Variants in CTNND2 observed in about 807,000 individuals in gnomAD.
CTNND2 encodes catenin delta 2.
A neutral mutation model predicts 144.4 loss-of-function variants in CTNND2; 22 were observed. That is an observed-to-expected ratio of 0.15 (90% confidence interval 0.11 to 0.22). The LOEUF is 0.22. CTNND2 is among the 10% of genes least tolerant of loss of function. The probability of loss-of-function intolerance (pLI) is 1.00; values close to 1 mark genes in which losing one functional copy is unlikely to be tolerated. For missense variants in CTNND2, 1,353 were observed against 1,618.8 expected, an observed-to-expected ratio of 0.84 and a Z score of 2.82; for synonymous variants, 751 against 695.6, an observed-to-expected ratio of 1.08 and a Z score of -1.25.
chr5:11,473,947 G>A (rs1229070195), intron 3 of CTNND2, among the ~76,000 whole-genome samples: 2 of 152,176 alleles, frequency 1.3e-5, no homozygotes, highest in African/African-American at 2.4e-5. Flanking sequence ...TTAAGCTTCC[G>A]CATCATCTTG....
chr5:11,049,471 T>C (rs1416586599), intron 16 of CTNND2, among the ~76,000 whole-genome samples: 1 of 152,148 alleles, frequency 6.6e-6, no homozygotes, highest in East Asian at 1.9e-4. Context: ...GAAAGAAACC[T>C]AATGAATGAA....
At chr5:11,379,559 T>C (rs1412045504) in intron 7 of CTNND2, among the ~76,000 whole-genome samples, 1 of 151,956 alleles carries the variant, frequency 6.6e-6, no homozygotes, top group Non-Finnish European at 1.5e-5. Context: ...TAACTCTTAA[T>C]TTATTAAAAA....
chr5:11,000,527 GA>G (rs995105364), intron 18 of CTNND2, among the ~76,000 whole-genome samples: 1 of 152,054 alleles, frequency 6.6e-6, no homozygotes. Context: ...TCTCAAGAAA[GA>G]AAAAAATGTG....
intron 2 of CTNND2, among the ~76,000 whole-genome samples, chr5:11,637,299 T>C (rs1368975286): frequency 2.6e-5 from 4 of 152,152 alleles, no homozygotes; most frequent in Admixed American, 6.5e-5. Context: ...CTCAGAAGTA[T>C]AGAGATATAT....
At chr5:11,491,231 C>A (rs1769353502) in intron 3 of CTNND2, among the ~76,000 whole-genome samples, 1 of 152,190 alleles carries the variant, frequency 6.6e-6, no homozygotes, top group Non-Finnish European at 1.5e-5. Context: ...TTCCCAGTGA[C>A]ACATGTCCAC....
intron 9 of CTNND2, among the ~76,000 whole-genome samples, chr5:11,337,690 G>A (rs563949877): frequency 1.3e-5 from 2 of 152,208 alleles, no homozygotes; most frequent in African/African-American, 2.4e-5. Flanking sequence ...ATAATTATTT[G>A]AGAATTCAGT....
intron 9 of CTNND2, among the ~76,000 whole-genome samples, chr5:11,336,339 A>G (rs1323293550): frequency 6.6e-6 from 1 of 152,250 alleles, no homozygotes; most frequent in East Asian, 1.9e-4. Context: ...CATGAGTTCG[A>G]AAGGTTGAAC....
intron 12 of CTNND2, among the ~76,000 whole-genome samples, chr5:11,123,150 T>C (rs1362093225): frequency 6.6e-6 from 1 of 152,158 alleles, no homozygotes; most frequent in Non-Finnish European, 1.5e-5. Context: ...CCTTCCTTCA[T>C]AGCTCCAGGC....
At chr5:11,587,105 G>A (rs992115983) in intron 2 of CTNND2, among the ~76,000 whole-genome samples, 2 of 152,020 alleles carry the variant, frequency 1.3e-5, no homozygotes, top group South Asian at 2.1e-4. Context: ...TTAGTGTCAC[G>A]TAAATCTATT....
intron 9 of CTNND2, among the ~76,000 whole-genome samples, chr5:11,295,159 A>G (rs900295256): frequency 7.9e-5 from 12 of 152,198 alleles, no homozygotes; most frequent in African/African-American, 2.9e-4. Context: ...TCAATGTGCA[A>G]AAATCACAAG....
At chr5:11,582,268 A>C (rs1330656690) in intron 2 of CTNND2, among the ~76,000 whole-genome samples, 1 of 152,238 alleles carries the variant, frequency 6.6e-6, no homozygotes, top group African/African-American at 2.4e-5. Flanking sequence ...TAACTGACTA[A>C]AATGAGCAGC....
At chr5:11,555,255 C>T (rs371953705) in intron 3 of CTNND2, among the ~76,000 whole-genome samples, 13 of 152,140 alleles carry the variant, frequency 8.5e-5, no homozygotes, top group East Asian at 3.8e-4. Flanking sequence ...AAACAGACAC[C>T]TAGTTCTAGC....
chr5:11,137,544 G>T (rs991430816), intron 12 of CTNND2, among the ~76,000 whole-genome samples: 1 of 152,158 alleles, frequency 6.6e-6, no homozygotes, highest in Non-Finnish European at 1.5e-5. Flanking sequence ...CCATGTAGTT[G>T]TAGATAAGCT....
intron 18 of CTNND2, among the ~76,000 whole-genome samples, chr5:11,002,378 C>G (rs1282871519): frequency 6.6e-6 from 1 of 152,206 alleles, no homozygotes; most frequent in Non-Finnish European, 1.5e-5. Context: ...GACATCCTGC[C>G]ATTTTGAGTT....
At chr5:11,385,428 T>C (rs1018553133) in intron 6 of CTNND2, among the ~76,000 whole-genome samples, 199 bp from the exon 7 acceptor site, 1 of 152,132 alleles carries the variant, frequency 6.6e-6, no homozygotes, top group Non-Finnish European at 1.5e-5. Context: ...GTCCTGACAC[T>C]GGCACAGGCC....
At chr5:11,520,958 A>C (rs1236576398) in intron 3 of CTNND2, among the ~76,000 whole-genome samples, 2 of 152,248 alleles carry the variant, frequency 1.3e-5, no homozygotes, top group Admixed American at 6.5e-5. Context: ...GAAACAAATG[A>C]AAATAAATCA....
intron 21 of CTNND2, among the ~76,000 whole-genome samples, chr5:10,974,084 C>G (rs1736147044): frequency 6.6e-6 from 1 of 152,208 alleles, no homozygotes; most frequent in Non-Finnish European, 1.5e-5. Context: ...AAACTCTGTG[C>G]CCATTAAATG....
intron 2 of CTNND2, among the ~76,000 whole-genome samples, chr5:11,681,183 T>C (rs1322529967): frequency 2.6e-5 from 4 of 152,018 alleles, no homozygotes; most frequent in African/African-American, 9.7e-5. Context: ...GTCAGAATGG[T>C]AAGAGGAAAA....
chr5:11,158,879 T>C (rs1417937533), intron 12 of CTNND2, among the ~76,000 whole-genome samples: 1 of 152,196 alleles, frequency 6.6e-6, no homozygotes, highest in Non-Finnish European at 1.5e-5. Flanking sequence ...TACAACACTT[T>C]TGGGAGCACA....
Sources: gnomAD v4.1 joint callset for allele counts (sites outside exome capture counted in the v4.1 genomes callset) on GRCh38, gnomAD v4.1.1 for gene constraint, MANE v1.5 for transcripts, NCBI Gene and HGNC (gene_info 2026-07-23, HGNC 2026-07-21) for gene names.